The following ACOX3 variants were observed in gnomAD, a reference collection of about 807,000 sequenced individuals.
ACOX3 encodes peroxisomal acyl-coenzyme A oxidase 3.
A neutral mutation model predicts 81.5 loss-of-function variants in ACOX3; 73 were observed. The ratio of observed to expected loss-of-function variants is 0.90; its 90% CI spans 0.74 to 1.09. The LOEUF (loss-of-function observed/expected upper bound fraction) is 1.09. ACOX3 is among the 50% of genes least tolerant of loss of function. The pLI, the probability that ACOX3 is intolerant of heterozygous loss-of-function variation, is 0.00. For missense variants in ACOX3, 947 were observed against 928.0 expected, an observed-to-expected ratio of 1.02 and a Z score of -0.27; for synonymous variants, 387 against 375.1, an observed-to-expected ratio of 1.03 and a Z score of -0.37.
At chr4:8,372,268 A>T (rs1481333742) in intron 16 of ACOX3, among the ~76,000 whole-genome samples, 3 of 151,940 alleles carry the variant, frequency 2.0e-5, no homozygotes, top group African/African-American at 7.3e-5. Flanking sequence ...CTAATTTTTT[A>T]AAATTATTTT....
chr4:8,411,813 T>A (rs2108962578), intron 5 of ACOX3, among the ~76,000 whole-genome samples: 1 of 152,330 alleles, frequency 6.6e-6, no homozygotes, highest in Non-Finnish European at 1.5e-5. Context: ...CAGAGACCTG[T>A]CTGCTGTGCT....
At chr4:8,435,126 C>A (rs945287727) in intron 1 of ACOX3, among the ~76,000 whole-genome samples, 3 of 152,190 alleles carry the variant, frequency 2.0e-5, no homozygotes, top group Admixed American at 1.3e-4. Flanking sequence ...TGTTACAGAA[C>A]CTTAAGAAAG....
At position 8,400,076 on chromosome 4, in the gene ACOX3, G is replaced by A. The variant is rs987104387; in HGVS notation, c.777-424C>T. Among the ~76,000 whole-genome samples, 5 of 151,988 alleles carry A rather than the reference G, an allele frequency of 3.3e-5. No individual in the cohort carries two copies. Among genetic ancestry groups the A allele is most frequent in the East Asian group, 1.9e-4 (1 of 5,182 alleles). ...AGCCTGACCAATATGGTGAAACCCCGTCTCTACTAAAAATACAAAAAAAAA... is the reference window on the plus strand; with the variant it reads ...AGCCTGACCAATATGGTGAAACCCCATCTCTACTAAAAATACAAAAAAAAA... On this transcript the variant is annotated intron_variant, in intron 7 of 17. Coordinates refer to ENST00000356406, the MANE Select transcript of ACOX3 (RefSeq NM_003501.3). This position sits in a 1 kb window ranked among gnomAD's most constrained non-coding sequence, Gnocchi z 4.4.
rs902516231 is a variant in ACOX3, at chr4:8,399,778, C to A, written c.777-126G>T. On this transcript the variant is annotated intron_variant, in intron 7 of 17. Coordinates refer to ENST00000356406, the MANE Select transcript of ACOX3 (RefSeq NM_003501.3). This position sits in a 1 kb window ranked among gnomAD's most constrained non-coding sequence, Gnocchi z 4.9. ...AAGAAAATGGCAGAGGGCAAGTAGA[C>A]AGGAACATTCAACCAACTTTCTATT... 5.2e-6 allele frequency: 4 copies of A among 770,920 alleles called. No homozygotes were observed. In the Admixed American group the frequency reaches 1.0e-4, roughly 20 times the overall value. The allele number at this position is 770,920 out of a possible 1,614,324, so 47.8% of individuals were successfully genotyped here. A position where few individuals can be genotyped will look rare whatever the true frequency, so the allele number is the denominator to read the frequency against.
chr4:8,401,128 G>A (rs1174634798), intron 7 of ACOX3, among the ~76,000 whole-genome samples: 1 of 151,992 alleles, frequency 6.6e-6, no homozygotes, highest in Admixed American at 6.6e-5. Flanking sequence ...TGCCGCCACC[G>A]ATCTGACAGG....
intron 1 of ACOX3, among the ~76,000 whole-genome samples, chr4:8,424,954 GAACT>G (rs1326979789): frequency 1.3e-5 from 2 of 152,178 alleles, no homozygotes; most frequent in Non-Finnish European, 2.9e-5. Context: ...TCAGCTGGCA[GAACT>G]AATAGCCCTC....
At chr4:8,404,786 A>G (rs1356402645) in intron 7 of ACOX3, among the ~76,000 whole-genome samples, 3 of 152,202 alleles carry the variant, frequency 2.0e-5, no homozygotes, top group Non-Finnish European at 4.4e-5. Flanking sequence ...GAAACACTAT[A>G]TGAAACACGC....
intron 1 of ACOX3, among the ~76,000 whole-genome samples, chr4:8,429,366 A>G (rs1388947475): frequency 1.3e-5 from 2 of 152,226 alleles, no homozygotes; most frequent in Non-Finnish European, 2.9e-5. Flanking sequence ...ATTTTACAGA[A>G]ATAAAGTAGG....
In ACOX3 at chr4:8,432,856, C is replaced by G. The variant is rs1420175250; in HGVS notation, c.-15+7792G>C. On this transcript the variant is annotated intron_variant, in intron 1 of 17. Transcript: ENST00000356406. This position sits in a 1 kb window ranked among gnomAD's most constrained non-coding sequence, Gnocchi z 6.2. The stretch of plus-strand genomic sequence containing the variant: ...CTAGTGCTGCATTGTTCAACAGTAG[C>G]CCCTAGCCTCATGTGGCTACTTAAA... 6.6e-6 allele frequency among the ~76,000 whole-genome samples: 1 copy of G among 152,210 alleles called. No homozygotes were observed. The highest frequency in any genetic ancestry group is 2.4e-5 in the African/African-American group (1 of 41,454).
chr4:8,362,790 A>T (rs1275691923), downstream of ACOX3, among the ~76,000 whole-genome samples: 1 of 152,214 alleles, frequency 6.6e-6, no homozygotes, highest in Non-Finnish European at 1.5e-5. Context: ...TGAGGGTACA[A>T]ACCCATGGCA....
Position 8,405,960 on chromosome 4 carries a change from A to G in ACOX3, c.771T>C (p.Asp257=). ...CAGCAGCCTCTGTCACTCACCCATTATCCAGACCGTTCTGCCCGAGTTTTT... is the reference window on the plus strand; with the variant it reads ...CAGCAGCCTCTGTCACTCACCCATTGTCCAGACCGTTCTGCCCGAGTTTTT... ...IGKKLGQNGL[D]NGFAMFHKVR... is the part of the protein sequence containing the mutation. The change falls in exon 7 of 18, where the codon GAT becomes GAC. Residue 257 remains aspartate, a synonymous_variant. Coordinates refer to ENST00000356406, the MANE Select transcript of ACOX3 (RefSeq NM_003501.3). This position sits in a 1 kb window ranked among gnomAD's most constrained non-coding sequence, Gnocchi z 7.1. The G allele has an allele frequency of 1.2e-6, 2 of 1,614,080 alleles. No homozygotes were observed. The highest frequency in any genetic ancestry group is 1.7e-6 in the Non-Finnish European group (2 of 1,179,990).
At chr4:8,428,609 C>T (rs1184521986) in intron 1 of ACOX3, 1 of 152,286 alleles carries the variant, frequency 6.6e-6, no homozygotes, top group South Asian at 2.1e-4. Flanking sequence ...CAGGCGCTCC[C>T]GGGCACTCTT....
chr4:8,408,783 TG>T, intron 6 of ACOX3, among the ~76,000 whole-genome samples: 1 of 151,578 alleles, frequency 6.6e-6, no homozygotes, highest in South Asian at 2.1e-4. Flanking sequence ...AGCTTCAGGA[TG>T]AAGACCAAGG....
chr4:8,428,129 G>A (rs550051505), intron 1 of ACOX3, among the ~76,000 whole-genome samples: 46 of 152,374 alleles, frequency 3.0e-4, no homozygotes, highest in Non-Finnish European at 6.3e-4. Context: ...AGTTCAATGT[G>A]TAAAGTCCTC....
At chr4:8,375,986 G>A (rs984494428) in intron 14 of ACOX3, among the ~76,000 whole-genome samples, 2 of 152,152 alleles carry the variant, frequency 1.3e-5, no homozygotes, top group African/African-American at 2.4e-5. Context: ...ACAGGTACAT[G>A]TATCTGGCTG....
intron 9 of ACOX3, among the ~76,000 whole-genome samples, chr4:8,396,284 G>C (rs1227875763): frequency 1.3e-5 from 2 of 152,228 alleles, no homozygotes; most frequent in Non-Finnish European, 2.9e-5. Context: ...GTGTCAAAGA[G>C]TGTGCACAGG....
At chr4:8,420,336 G>T (rs148113801) in intron 1 of ACOX3, among the ~76,000 whole-genome samples, 3 of 152,208 alleles carry the variant, frequency 2.0e-5, no homozygotes, top group Admixed American at 6.5e-5. Context: ...TAAGATCTGT[G>T]CACCTTGGGG....
intron 16 of ACOX3, among the ~76,000 whole-genome samples, chr4:8,371,773 C>T (rs1021386606): frequency 6.6e-6 from 1 of 152,270 alleles, no homozygotes; most frequent in Non-Finnish European, 1.5e-5. Context: ...TGCCACTGCT[C>T]CCGGAGAGAA....
rs779378675 is a variant in ACOX3 at position 8,431,762 on chromosome 4, CTT to C, written c.-15+8884_-15+8885del. 1.1e-4 allele frequency among the ~76,000 whole-genome samples: 17 copies of C among 152,240 alleles called. No homozygotes were observed. Among genetic ancestry groups the C allele is most frequent in the South Asian group, 4.1e-4 (2 of 4,834 alleles). On this transcript the variant is annotated intron_variant, in intron 1 of 17. Coordinates refer to ENST00000356406, the MANE Select transcript of ACOX3 (RefSeq NM_003501.3). The surrounding 1 kb of genome is among the most constrained non-coding windows in gnomAD (Gnocchi z 5.3). ...CCATAGGGCCTCACCCACCCCCTCT[CTT>C]GTTTATCTTGACTTCTGTCCCACTT... is the stretch of plus-strand genomic sequence containing the variant.
Sources: allele counts gnomAD v4.1 joint callset (sites outside exome capture counted in the v4.1 genomes callset), GRCh38; gene constraint gnomAD v4.1.1; non-coding constraint Gnocchi (gnomAD v3.1); transcripts MANE v1.5; gene names NCBI Gene and HGNC (gene_info 2026-07-23, HGNC 2026-07-21).